FKBP1A: variants seen among roughly 807,000 people sequenced by gnomAD.
FKBP1A encodes the protein FKBP prolyl isomerase 1A.
FKBP1A carries 5 observed loss-of-function variants against 14.2 expected under a neutral mutation model. The observed-to-expected ratio is 0.35, with a 90% CI of 0.18 to 0.74. The LOEUF (loss-of-function observed/expected upper bound fraction) is 0.74. Ranked by LOEUF, FKBP1A falls within the 30% of genes least tolerant of loss-of-function variation. The pLI, the probability that FKBP1A is intolerant of heterozygous loss-of-function variation, is 0.56. For synonymous variants in FKBP1A, 42 were observed against 49.1 expected, an observed-to-expected ratio of 0.86 and a Z score of 0.60; for missense variants, 53 against 138.8, an observed-to-expected ratio of 0.38 and a Z score of 3.10.
chr20:1,380,904 T>C (rs1031389886), intron 2 of FKBP1A, among the ~76,000 whole-genome samples: 10 of 152,302 alleles, frequency 6.6e-5, no homozygotes, highest in African/African-American at 1.4e-4. Context: ...TGGGCTGAAA[T>C]GACAAAATAT....
At chr20:1,376,024 C>A (rs536048636) in intron 2 of FKBP1A, among the ~76,000 whole-genome samples, 1 of 152,302 alleles carries the variant, frequency 6.6e-6, no homozygotes, top group Non-Finnish European at 1.5e-5. Flanking sequence ...TTCCCAAAAT[C>A]CCCCATCATC....
intron 2 of FKBP1A, among the ~76,000 whole-genome samples, 165 bp from the exon 3 acceptor site, chr20:1,375,768 C>A (rs559409845): frequency 6.6e-6 from 1 of 152,156 alleles, no homozygotes; most frequent in East Asian, 1.9e-4. Flanking sequence ...TAAGGAGTTG[C>A]GACAGTCCTA....
intron 3 of FKBP1A, among the ~76,000 whole-genome samples, chr20:1,372,510 G>A (rs1445685526): frequency 4.6e-5 from 7 of 152,080 alleles, no homozygotes; most frequent in Non-Finnish European, 7.4e-5. Context: ...ACCTTTCTAC[G>A]CAAGTCTTAA....
chr20:1,382,321 C>G (rs1019077990), intron 2 of FKBP1A, among the ~76,000 whole-genome samples: 1 of 152,216 alleles, frequency 6.6e-6, no homozygotes, highest in Non-Finnish European at 1.5e-5. Context: ...GCAGACAAGA[C>G]AGCTGACAGT....
chr20:1,372,757 G>T (rs371164444), intron 3 of FKBP1A, among the ~76,000 whole-genome samples: 2 of 152,108 alleles, frequency 1.3e-5, no homozygotes, highest in South Asian at 2.1e-4. Context: ...AAGACAATAT[G>T]ATTTTCTGGG....
At chr20:1,375,740 G>A (rs2089532346) in intron 2 of FKBP1A, 137 bp from the exon 3 acceptor site, 10 of 685,736 alleles carry the variant, frequency 1.5e-5, no homozygotes, top group Non-Finnish European at 2.7e-5. Context: ...AGGGTTTCCT[G>A]TGACCTCACT....
At chr20:1,383,491 C>G (rs1329384833) in intron 2 of FKBP1A, among the ~76,000 whole-genome samples, 1 of 151,888 alleles carries the variant, frequency 6.6e-6, no homozygotes, top group Non-Finnish European at 1.5e-5. Context: ...TTTCAACACG[C>G]AGGTGAGTTT....
At chr20:1,388,493 T>C (rs2089693539) in intron 2 of FKBP1A, among the ~76,000 whole-genome samples, 1 of 152,172 alleles carries the variant, frequency 6.6e-6, no homozygotes, top group Non-Finnish European at 1.5e-5. Flanking sequence ...GTTACTCCCA[T>C]TTTATAGACA....
chr20:1,374,494 T>C (rs938872574), intron 3 of FKBP1A: 1 of 152,216 alleles, frequency 6.6e-6, no homozygotes, highest in Non-Finnish European at 1.5e-5. Flanking sequence ...AGGCCAAAGA[T>C]TTAACAATAT....
In FKBP1A at chr20:1,379,068, AT is replaced by A. The variant is rs779219269; in HGVS notation, c.86-3466del. Among the ~76,000 whole-genome samples, 8 of 152,198 alleles carry A rather than the reference AT, an allele frequency of 5.3e-5. No individual in the cohort carries two copies. Among genetic ancestry groups the A allele is most frequent in the Non-Finnish European group, 1.0e-4 (7 of 68,020 alleles). On this transcript the variant is annotated intron_variant, in intron 2 of 4. Coordinates refer to ENST00000400137, the MANE Select transcript of FKBP1A (RefSeq NM_000801.5). The surrounding 1 kb of genome is among the most constrained non-coding windows in gnomAD (Gnocchi z 4.3). ...ATGCATTAATGGTTCATAACCCACA[AT>A]TTGGAAAGTACGGTATACCTATAAA...
chr20:1,378,957 C>A (rs760092926), intron 2 of FKBP1A, among the ~76,000 whole-genome samples: 2 of 152,190 alleles, frequency 1.3e-5, no homozygotes, highest in Non-Finnish European at 2.9e-5. Context: ...TGTGTATAAA[C>A]AAAATTTACA....
intron 2 of FKBP1A, among the ~76,000 whole-genome samples, chr20:1,378,990 A>G (rs1246937888): frequency 2.6e-5 from 4 of 152,178 alleles, no homozygotes; most frequent in Non-Finnish European, 5.9e-5. Flanking sequence ...CATGGCATAT[A>G]CTTCTCATTT....
Position 1,392,866 on chromosome 20 carries a change from T to C in FKBP1A, c.53A>G (p.Lys18Arg), listed in dbSNP as rs2089757853. ...ISPGDGRTFP[K>R]RGQTCVVHYT... ...GTGCACCACGCAGGTCTGGCCGCGC[T>C]TGGGGAAGGTGCGCCCTGAGGAGAC... Residue 18 changes from lysine (K) to arginine (R), a missense_variant, in exon 2 of 5, where the codon AAG becomes AGG. By Grantham distance (26) the Lys-to-Arg change is conservative. Around this residue, in one of 2 missense-constraint regions of FKBP1A, gnomAD observed 35 missense variants for 118.1 expected, o/e 0.30. Transcript: ENST00000400137. The C allele has an allele frequency of 6.6e-7, 1 of 1,515,910 alleles. No homozygotes were observed. Among genetic ancestry groups the C allele is most frequent in the Non-Finnish European group, 8.9e-7 (1 of 1,129,524 alleles). 93.9% of individuals were successfully genotyped at this position (1,515,910 alleles called of 1,614,324 possible). A position where few individuals can be genotyped will look rare whatever the true frequency, so the allele number is the denominator to read the frequency against.
At position 1,383,682 on chromosome 20, in the gene FKBP1A, A is replaced by AT. The variant is rs1313283756; in HGVS notation, c.86-8080dup. The stretch of plus-strand genomic sequence containing the variant: ...GTCCCCAATCCTGTTTCTGCAAAAA[A>AT]TTAAAAAAAAAAAAAAAAAAATTTA... On this transcript the variant is annotated intron_variant, in intron 2 of 4. Coordinates refer to ENST00000400137, the MANE Select transcript of FKBP1A (RefSeq NM_000801.5). 9.6e-5 allele frequency among the ~76,000 whole-genome samples: 8 copies of AT among 83,020 alleles called. No homozygotes were observed. In the East Asian group the frequency reaches 1.3e-3, roughly 13 times the overall value. The allele number at this position is 83,020 out of a possible 152,430, so 54.5% of individuals were successfully genotyped here.
chr20:1,381,778 G>A (rs899488801), intron 2 of FKBP1A, among the ~76,000 whole-genome samples: 2 of 152,158 alleles, frequency 1.3e-5, no homozygotes, highest in African/African-American at 4.8e-5. Flanking sequence ...CAATACAGAT[G>A]AATCTCAAAA....
chr20:1,384,514 T>A (rs190334944), intron 2 of FKBP1A, among the ~76,000 whole-genome samples: 59 of 152,344 alleles, frequency 3.9e-4, no homozygotes, highest in Non-Finnish European at 5.9e-5. Flanking sequence ...GATAAAGACA[T>A]AGTCCTTTAG....
chr20:1,390,233 C>A (rs1490574916), intron 2 of FKBP1A, among the ~76,000 whole-genome samples: 7 of 152,016 alleles, frequency 4.6e-5, no homozygotes, highest in African/African-American at 1.7e-4. Context: ...CAAGAGCTGA[C>A]TGGATCAAGA....
Position 1,380,792 on chromosome 20 carries a change from A to G in FKBP1A, c.86-5189T>C, listed in dbSNP as rs148923110. Among the ~76,000 whole-genome samples the G allele has an allele frequency of 4.0e-3, 605 of 152,348 alleles. 2 individuals carry two copies. Among genetic ancestry groups the G allele is most frequent in the Non-Finnish European group, 7.0e-3 (475 of 68,032 alleles). Reference sequence around the variant, plus strand: ...ATGAGGAGACTTATCAATCAATTGAAAGCAACCCAGAACTAACACAAATGT... The same window carrying G: ...ATGAGGAGACTTATCAATCAATTGAGAGCAACCCAGAACTAACACAAATGT... On this transcript the variant is annotated intron_variant, in intron 2 of 4. Transcript: ENST00000400137.
intron 4 of FKBP1A, chr20:1,371,678 T>G (rs6041759): frequency 4.1e-6 from 4 of 979,058 alleles, no homozygotes; most frequent in Admixed American, 6.1e-5. Context: ...GCTTTTTTTT[T>G]CCCCCTCTAG....
Sources: allele counts gnomAD v4.1 joint callset (sites outside exome capture counted in the v4.1 genomes callset), GRCh38; gene constraint gnomAD v4.1.1; regional missense constraint gnomAD v4.1.1; non-coding constraint Gnocchi (gnomAD v3.1); transcripts MANE v1.5; gene names NCBI Gene and HGNC (gene_info 2026-07-23, HGNC 2026-07-21).